Variants in SESN1 observed in about 807,000 individuals in gnomAD.
SESN1 encodes the protein sestrin 1.
In SESN1, 30 loss-of-function variants were observed where a neutral mutation model predicts 59.3. The observed-to-expected ratio is 0.51, with a 90% CI of 0.38 to 0.69. The LOEUF (loss-of-function observed/expected upper bound fraction) is 0.69, where lower values mean the gene tolerates loss of function less well. Among genes scored for constraint, SESN1 ranks in the 30% least tolerant of loss-of-function variants. The pLI, the probability that SESN1 is intolerant of heterozygous loss-of-function variation, is 0.00. For synonymous variants in SESN1, 197 were observed against 219.9 expected (o/e 0.90, Z 0.92); for missense variants, 566 against 673.0 (o/e 0.84, Z 1.76).
intron 1 of SESN1, among the ~76,000 whole-genome samples, chr6:109,010,995 G>GT (rs933420544): frequency 5.1e-4 from 78 of 152,382 alleles, no homozygotes; most frequent in African/African-American, 1.9e-3. Flanking sequence ...GCAAAAGCTA[G>GT]TTAGGTAGAA....
At chr6:109,080,556 C>G (rs1387921245) in intron 1 of SESN1, among the ~76,000 whole-genome samples, 1 of 152,106 alleles carries the variant, frequency 6.6e-6, no homozygotes, top group Non-Finnish European at 1.5e-5. Context: ...TAAATAAGAA[C>G]TTGATATGCA....
At chr6:109,087,070 G>A (rs1360401652) in intron 1 of SESN1, among the ~76,000 whole-genome samples, 1 of 152,198 alleles carries the variant, frequency 6.6e-6, no homozygotes, top group Non-Finnish European at 1.5e-5. Context: ...GGCAGAGGTT[G>A]CAGTGAGCCA....
chr6:109,058,111 G>GCCT (rs1176110676), intron 1 of SESN1, among the ~76,000 whole-genome samples: 1 of 151,774 alleles, frequency 6.6e-6, no homozygotes, highest in East Asian at 1.9e-4. Flanking sequence ...TTGAGGCAGG[G>GCCT]CCTCGCTCTG....
chr6:109,043,183 G>A (rs936965707), intron 1 of SESN1, among the ~76,000 whole-genome samples: 6 of 152,078 alleles, frequency 3.9e-5, no homozygotes, highest in African/African-American at 1.4e-4. Context: ...TAAGAACAGA[G>A]TGGGAGTTAC....
intron 1 of SESN1, among the ~76,000 whole-genome samples, chr6:109,039,987 A>G (rs1210236372): frequency 2.0e-5 from 3 of 152,316 alleles, no homozygotes; most frequent in East Asian, 3.9e-4. Context: ...CCAACAGTCA[A>G]ATGAAGGACT....
At chr6:109,011,268 A>G (rs1020691148) in intron 1 of SESN1, among the ~76,000 whole-genome samples, 1 of 152,250 alleles carries the variant, frequency 6.6e-6, no homozygotes, top group African/African-American at 2.4e-5. Context: ...TGCTTGATAA[A>G]TATTTATTGA....
intron 2 of SESN1, 96 bp from the exon 3 acceptor site, chr6:109,001,584 C>G: frequency 9.3e-7 from 1 of 1,073,556 alleles, no homozygotes; most frequent in Non-Finnish European, 1.4e-6. Context: ...CATTTAGAAG[C>G]AGATTAAATC....
chr6:109,084,441 C>A (rs1583300392), intron 1 of SESN1, among the ~76,000 whole-genome samples: 1 of 152,244 alleles, frequency 6.6e-6, no homozygotes, highest in East Asian at 1.9e-4. Context: ...GTATTCCCAG[C>A]CACTTGGGAG....
At chr6:109,024,234 C>A (rs956366973) in intron 1 of SESN1, among the ~76,000 whole-genome samples, 1 of 152,064 alleles carries the variant, frequency 6.6e-6, no homozygotes, top group Admixed American at 6.6e-5. Context: ...TTACTTGGTA[C>A]AAAATTATAA....
At chr6:109,028,973 G>A (rs1484275817) in intron 1 of SESN1, among the ~76,000 whole-genome samples, 1 of 152,144 alleles carries the variant, frequency 6.6e-6, no homozygotes, top group African/African-American at 2.4e-5. Context: ...TATATTAACT[G>A]TCTCATAGAG....
At chr6:108,991,036 C>T (rs78550764) in intron 7 of SESN1, among the ~76,000 whole-genome samples, 14,109 of 150,426 alleles carry the variant, frequency 0.094, 830 homozygotes, top group South Asian at 0.18. Context: ...TTTTATAACT[C>T]AGTGAGTTTA....
At chr6:108,992,993 T>C in intron 6 of SESN1, 94 bp from the exon 7 acceptor site, 2 of 724,232 alleles carry the variant, frequency 2.8e-6, no homozygotes, top group South Asian at 1.7e-5. Flanking sequence ...ACTCTTTCTC[T>C]GATACTGAGT....
chr6:109,036,257 T>C (rs1780245627), intron 1 of SESN1, among the ~76,000 whole-genome samples: 1 of 152,248 alleles, frequency 6.6e-6, no homozygotes, highest in Admixed American at 6.5e-5. Context: ...TCCAGCTTTA[T>C]AGTTCAGCAA....
At chr6:109,059,608 C>A (rs1045992901) in intron 1 of SESN1, 2 of 152,072 alleles carry the variant, frequency 1.3e-5, no homozygotes, top group African/African-American at 4.8e-5. Context: ...GCTGCTGAAG[C>A]AAGCACAAGG....
chr6:109,087,471 C>T (rs1430171305), intron 1 of SESN1, among the ~76,000 whole-genome samples: 4 of 151,926 alleles, frequency 2.6e-5, no homozygotes, highest in Non-Finnish European at 5.9e-5. Flanking sequence ...GTCAAAGACA[C>T]GAATGAGAGG....
chr6:109,002,373 C>T, intron 1 of SESN1, 30 bp from the exon 2 acceptor site: 2 of 1,586,678 alleles, frequency 1.3e-6, no homozygotes, highest in Non-Finnish European at 1.7e-6. Flanking sequence ...CATCTCAGGC[C>T]TTTGGCAGTA....
intron 1 of SESN1, among the ~76,000 whole-genome samples, chr6:109,086,388 C>T (rs1482867744): frequency 6.6e-6 from 1 of 152,166 alleles, no homozygotes; most frequent in Admixed American, 6.6e-5. Context: ...ACCCAAGATT[C>T]CACAGCTACT....
At position 108,992,769 on chromosome 6, in the gene SESN1, T is replaced by C. The variant is rs747544147; in HGVS notation, c.1233+18A>G. The C allele has an allele frequency of 1.4e-6, 2 of 1,467,580 alleles. No homozygotes were observed. The highest frequency in any genetic ancestry group is 1.9e-6 in the Non-Finnish European group (2 of 1,046,376). 90.9% of individuals were successfully genotyped at this position (1,467,580 alleles called of 1,614,324 possible). A position where few individuals can be genotyped will look rare whatever the true frequency, so the allele number is the denominator to read the frequency against. The stretch of plus-strand genomic sequence containing the variant: ...AGATATTTCTAGTCAATCATGTGCA[T>C]ACAAGTTGCAATTTTACCTGGACAC... On this transcript the variant is annotated intron_variant, in intron 7 of 9. Transcript: ENST00000436639.
chr6:109,005,152 C>G (rs1460824472), intron 1 of SESN1, among the ~76,000 whole-genome samples: 2 of 152,060 alleles, frequency 1.3e-5, no homozygotes, highest in African/African-American at 2.4e-5. Flanking sequence ...TCTAATAGTA[C>G]GAGGTTGAAA....
Sources: gnomAD v4.1 joint callset for allele counts (sites outside exome capture counted in the v4.1 genomes callset) on GRCh38, gnomAD v4.1.1 for gene constraint, MANE v1.5 for transcripts, NCBI Gene and HGNC (gene_info 2026-07-23, HGNC 2026-07-21) for gene names.